Variants in TRIQK observed in about 807,000 individuals in gnomAD.
TRIQK encodes triple QxxK/R motif-containing protein.
Under a neutral mutation model 10.8 loss-of-function variants are expected in TRIQK, and 10 were observed. That is an observed-to-expected ratio of 0.92 (90% CI 0.57 to 1.57). The LOEUF is 1.57. Ranked by LOEUF, TRIQK falls within the 40% of genes most tolerant of loss-of-function variation. The pLI is 0.00. For missense variants in TRIQK, 107 were observed against 97.7 expected (o/e 1.09, Z -0.40); for synonymous variants, 33 against 33.7 (o/e 0.98, Z 0.07).
At chr8:92,910,404 A>T (rs1007335840) in intron 3 of TRIQK, among the ~76,000 whole-genome samples, 11 of 151,274 alleles carry the variant, frequency 7.3e-5, no homozygotes, top group Admixed American at 4.0e-4. Flanking sequence ...TTGAAGAATG[A>T]AAAAGGAAAC....
intron 2 of TRIQK, among the ~76,000 whole-genome samples, chr8:92,942,694 T>C (rs1337149416): frequency 6.6e-6 from 1 of 152,146 alleles, no homozygotes; most frequent in Non-Finnish European, 1.5e-5. Context: ...CAAAAGTCAG[T>C]AGTATTTCTT....
intron 3 of TRIQK, among the ~76,000 whole-genome samples, chr8:92,912,391 AT>A (rs1360960332): frequency 6.6e-6 from 1 of 151,864 alleles, no homozygotes; most frequent in Non-Finnish European, 1.5e-5. Flanking sequence ...TGAAAACACA[AT>A]ATAACAAAAT....
At position 92,902,185 on chromosome 8, in the gene TRIQK, C is replaced by T. The variant is rs528434538; in HGVS notation, c.62-10111G>A. ...TTGCAGTCCTTGTGGCCTAGACTGC[C>T]TTTCACGTTTATCTAGGATCCCAGA... is the stretch of plus-strand genomic sequence containing the variant. On this transcript the variant is annotated intron_variant, in intron 3 of 4. Transcript: ENST00000521988. 6.6e-5 allele frequency among the ~76,000 whole-genome samples: 10 copies of T among 152,204 alleles called. No homozygotes were observed. The East Asian group carries it at 1.9e-3, about 29-fold the overall frequency.
intron 1 of TRIQK, among the ~76,000 whole-genome samples, chr8:93,013,776 A>G (rs1813358503): frequency 6.6e-6 from 1 of 152,150 alleles, no homozygotes; most frequent in African/African-American, 2.4e-5. Context: ...TTCTTAAATA[A>G]TAATAATTGC....
In TRIQK at chr8:92,925,364, T is replaced by C. The variant is rs1444632874; in HGVS notation, c.-21-8354A>G. Among the ~76,000 whole-genome samples, 3 of 152,158 alleles carry C rather than the reference T, an allele frequency of 2.0e-5. No homozygotes were observed. The East Asian group carries it at 5.8e-4, about 29-fold the overall frequency. The stretch of plus-strand genomic sequence containing the variant: ...ATTTATTGAAGAAAACATAGTAGGA[T>C]ATATCATAAAAGAGAAAAAAAGGAT... On this transcript the variant is annotated intron_variant, in intron 2 of 4. Coordinates refer to ENST00000521988, the MANE Select transcript of TRIQK (RefSeq NM_001171797.2).
chr8:92,973,555 A>T (rs1342931781), intron 1 of TRIQK: 3 of 152,162 alleles, frequency 2.0e-5, no homozygotes, highest in Non-Finnish European at 4.4e-5. Flanking sequence ...GGGCTAAACA[A>T]ATTATTTAGC....
intron 4 of TRIQK, among the ~76,000 whole-genome samples, chr8:92,890,084 A>C (rs1816687632): frequency 6.6e-6 from 1 of 151,802 alleles, no homozygotes; most frequent in Admixed American, 6.6e-5. Flanking sequence ...TATGGATAAA[A>C]TCACTCACTG....
intron 1 of TRIQK, among the ~76,000 whole-genome samples, chr8:92,975,533 C>T (rs1444175395): frequency 2.6e-5 from 4 of 152,114 alleles, no homozygotes; most frequent in African/African-American, 7.2e-5. Context: ...GTGGTGACCT[C>T]ACTTCTCATA....
intron 3 of TRIQK, among the ~76,000 whole-genome samples, chr8:92,909,873 A>G (rs1809480632): frequency 1.3e-5 from 2 of 151,840 alleles, no homozygotes; most frequent in Admixed American, 1.3e-4. Context: ...GATGTAGAGA[A>G]GTAAAAGAAA....
Position 92,920,890 on chromosome 8 carries a change from A to G in TRIQK, c.-21-3880T>C, listed in dbSNP as rs191525413. ...GCAGTACCCAAGGAAGGCAAACTCT[A>G]TAGAGTTTATAACATCCACTTCACA... On this transcript the variant is annotated intron_variant, in intron 2 of 4. Transcript: ENST00000521988. Among the ~76,000 whole-genome samples, 4 of 151,878 alleles carry G rather than the reference A, an allele frequency of 2.6e-5. No homozygotes were observed. In the East Asian group the frequency reaches 5.8e-4, roughly 22 times the overall value.
intron 2 of TRIQK, among the ~76,000 whole-genome samples, chr8:92,932,583 A>C (rs1158428511): frequency 6.6e-6 from 1 of 151,966 alleles, no homozygotes; most frequent in African/African-American, 2.4e-5. Flanking sequence ...CCTATTCATC[A>C]AATTTACCAC....
chr8:92,917,588 C>G (rs1809933833), intron 2 of TRIQK, among the ~76,000 whole-genome samples: 2 of 151,838 alleles, frequency 1.3e-5, no homozygotes, highest in Admixed American at 1.3e-4. Flanking sequence ...TCGATTTAAT[C>G]TACCTATTTT....
At chr8:92,995,889 T>C (rs1813149678) in intron 1 of TRIQK, among the ~76,000 whole-genome samples, 1 of 152,066 alleles carries the variant, frequency 6.6e-6, no homozygotes. Flanking sequence ...TCAACTTTAG[T>C]AGCTATGTCA....
intron 1 of TRIQK, among the ~76,000 whole-genome samples, chr8:93,013,559 A>C (rs1032441926): frequency 6.6e-6 from 1 of 152,188 alleles, no homozygotes; most frequent in Non-Finnish European, 1.5e-5. Context: ...TAATGATTTT[A>C]TTATGGTACA....
chr8:92,902,120 T>C (rs1011191993), intron 3 of TRIQK, among the ~76,000 whole-genome samples: 6 of 152,158 alleles, frequency 3.9e-5, no homozygotes, highest in Non-Finnish European at 5.9e-5. Flanking sequence ...CCAAGTCCAC[T>C]GGTTCCGAGC....
At chr8:92,942,743 G>T (rs1811332328) in intron 2 of TRIQK, among the ~76,000 whole-genome samples, 1 of 152,124 alleles carries the variant, frequency 6.6e-6, no homozygotes, top group South Asian at 2.1e-4. Context: ...TGCCCATGCT[G>T]GAGTTCAGTG....
intron 3 of TRIQK, among the ~76,000 whole-genome samples, chr8:92,896,028 CA>C (rs1808576574): frequency 2.6e-5 from 4 of 152,126 alleles, no homozygotes; most frequent in Admixed American, 1.3e-4. Flanking sequence ...TTCATCAGGA[CA>C]ATGAGAGAAA....
intron 2 of TRIQK, among the ~76,000 whole-genome samples, chr8:92,945,245 C>T (rs953682491): frequency 2.0e-5 from 3 of 152,144 alleles, no homozygotes; most frequent in Non-Finnish European, 2.9e-5. Flanking sequence ...CACTGATTGA[C>T]GTTGCTTCCC....
At position 92,884,985 on chromosome 8, in the gene TRIQK, T is replaced by C. The variant is rs1055463816; in HGVS notation, c.*1637A>G. 12 of 456,052 alleles carry C rather than the reference T, an allele frequency of 2.6e-5. No individual in the cohort carries two copies. The highest frequency in any genetic ancestry group is 4.0e-5 in the Non-Finnish European group (9 of 226,714). 28.3% of individuals were successfully genotyped at this position (456,052 alleles called of 1,614,324 possible). A position where few individuals can be genotyped will look rare whatever the true frequency, so the allele number is the denominator to read the frequency against. ...AGACATACCACATGGCATTAAATGCTGCAACCTTTCCTAAAAATGCCACTT... is the reference window on the plus strand; with the variant it reads ...AGACATACCACATGGCATTAAATGCCGCAACCTTTCCTAAAAATGCCACTT... On this transcript the variant is annotated 3_prime_UTR_variant, in exon 5 of 5. Coordinates refer to ENST00000521988, the MANE Select transcript of TRIQK (RefSeq NM_001171797.2).
Sources: allele counts gnomAD v4.1 joint callset (sites outside exome capture counted in the v4.1 genomes callset), GRCh38; gene constraint gnomAD v4.1.1; transcripts MANE v1.5; gene names NCBI Gene and HGNC (gene_info 2026-07-23, HGNC 2026-07-21).